Variants in SLC22A24 observed in about 807,000 individuals in gnomAD.
SLC22A24 encodes steroid transmembrane transporter SLC22A24.
A neutral mutation model predicts 49.8 loss-of-function variants in SLC22A24; 53 were observed. The observed-to-expected ratio is 1.06, with a 90% CI of 0.85 to 1.34. The LOEUF is 1.34. SLC22A24 is among the 40% of genes most tolerant of loss of function. SLC22A24 has a pLI of 0.00. For synonymous variants in SLC22A24, 302 were observed against 256.4 expected (o/e 1.18, Z -1.70); for missense variants, 786 against 675.9 (o/e 1.16, Z -1.81).
rs1477521127 is a variant in SLC22A24 at position 63,143,738 on chromosome 11, C to G, written c.42G>C (p.Gly14=). 6.7e-7 allele frequency: 1 copy of G among 1,482,070 alleles called. No individual in the cohort carries two copies. Among genetic ancestry groups the G allele is most frequent in the Admixed American group, 2.4e-5 (1 of 42,294 alleles). 91.8% of individuals were successfully genotyped at this position (1,482,070 alleles called of 1,614,324 possible). Residue 14 remains glycine, a synonymous_variant, in exon 1 of 10, where the codon GGG becomes GGC. Coordinates refer to ENST00000612278, the MANE Select transcript of SLC22A24 (RefSeq NM_001136506.2). ...AAGCTATCAGACAAATCTGGAATCTCCCCATGCCACCCACTTGATCCAGGA... is the reference window on the plus strand; with the variant it reads ...AAGCTATCAGACAAATCTGGAATCTGCCCATGCCACCCACTTGATCCAGGA... ...DVLLDQVGGM[G]RFQICLIAFF...
rs1565325977 is a variant in SLC22A24, at chr11:63,096,082, CCTT to C, written c.976_978del (p.Lys326del). On this transcript the variant is annotated inframe_deletion, in exon 6 of 10. Transcript: ENST00000612278. The stretch of plus-strand genomic sequence containing the variant: ...GTTTTAATTCGGACTGCATCCAACT[CCTT>C]CTTCATGGTGGATCTCACAAGCTTC... 6 of 1,550,420 alleles carry C rather than the reference CCTT, an allele frequency of 3.9e-6. No homozygotes were observed. Among genetic ancestry groups the C allele is most frequent in the Admixed American group, 2.0e-5 (1 of 50,950 alleles).
chr11:63,092,563 G>A (rs2087027504), intron 6 of SLC22A24, among the ~76,000 whole-genome samples: 1 of 43,156 alleles, frequency 2.3e-5, no homozygotes, highest in Non-Finnish European at 6.1e-5. Context: ...TCTGATCTTT[G>A]ACGAACCTGA....
chr11:63,133,727 T>C (rs2087353517), intron 2 of SLC22A24, among the ~76,000 whole-genome samples: 1 of 152,170 alleles, frequency 6.6e-6, no homozygotes, highest in African/African-American at 2.4e-5. Flanking sequence ...CTGCAACCTC[T>C]GCCTTCTGGG....
chr11:63,128,184 G>A (rs1449720690), intron 2 of SLC22A24, among the ~76,000 whole-genome samples: 1 of 151,914 alleles, frequency 6.6e-6, no homozygotes, highest in East Asian at 1.9e-4. Context: ...TAACTTAGGA[G>A]AAACCAGGCC....
At chr11:63,130,690 G>A (rs2087327860) in intron 2 of SLC22A24, among the ~76,000 whole-genome samples, 1 of 151,950 alleles carries the variant, frequency 6.6e-6, no homozygotes, top group Non-Finnish European at 1.5e-5. Flanking sequence ...ACTTCTTCCT[G>A]GTTTAGTCTT....
At chr11:63,100,683 A>G (rs926195804) in intron 5 of SLC22A24, among the ~76,000 whole-genome samples, 1 of 152,130 alleles carries the variant, frequency 6.6e-6, no homozygotes, top group African/African-American at 2.4e-5. Flanking sequence ...AACTACCAAA[A>G]CAGCATGGTA....
intron 5 of SLC22A24, among the ~76,000 whole-genome samples, chr11:63,100,820 T>A (rs1565327274): frequency 6.6e-6 from 1 of 152,138 alleles, no homozygotes; most frequent in South Asian, 2.1e-4. Context: ...ATTTCTTCAA[T>A]AAATGGTGCT....
At chr11:63,093,534 C>T (rs925879505) in intron 6 of SLC22A24, among the ~76,000 whole-genome samples, 1 of 152,068 alleles carries the variant, frequency 6.6e-6, no homozygotes, top group Non-Finnish European at 1.5e-5. Flanking sequence ...GGAATGATGT[C>T]CTTTGCAGGA....
chr11:63,118,936 A>G lies in SLC22A24; in HGVS notation c.806T>C (p.Ile269Thr). Residue 269 changes from isoleucine (I) to threonine (T), a missense_variant, in exon 4 of 10, where the codon ATA (isoleucine) becomes ACA (threonine). Transcript: ENST00000612278. ...CCAAGAGGACAAGAAGAGGACAATT[A>G]TGGGTGTAGACACAGTCAGTTGCAA... The part of the protein sequence containing the change: ...HILQLTVSTP[I>T]IVLFLSSWKM... The G allele has an allele frequency of 6.4e-7, 1 of 1,552,116 alleles. No homozygotes were observed. The highest frequency in any genetic ancestry group is 8.7e-7 in the Non-Finnish European group (1 of 1,147,052).
At chr11:63,096,130 A>G (rs1245558320) in intron 5 of SLC22A24, 24 bp from the exon 6 acceptor site, 1 of 1,415,604 alleles carries the variant, frequency 7.1e-7, no homozygotes, top group Non-Finnish European at 9.8e-7. Context: ...AATAACAACA[A>G]GCATTTGTGA....
chr11:63,118,691 AT>A, intron 4 of SLC22A24: 1 of 536,728 alleles, frequency 1.9e-6, no homozygotes, highest in Non-Finnish European at 3.3e-6. Flanking sequence ...AAATAATTTC[AT>A]GATAATTCCA....
chr11:63,097,117 A>G (rs867936497), intron 5 of SLC22A24, among the ~76,000 whole-genome samples: 2 of 152,180 alleles, frequency 1.3e-5, no homozygotes, highest in South Asian at 2.1e-4. Flanking sequence ...AGAAACTATC[A>G]TCATAGTGAG....
chr11:63,115,995 C>A (rs1026434947), intron 4 of SLC22A24: 5 of 327,710 alleles, frequency 1.5e-5, no homozygotes, highest in South Asian at 1.5e-4. Context: ...CTGCCCGAGC[C>A]CCTTGACAAC....
chr11:63,123,502 C>A (rs1183980586), intron 2 of SLC22A24, among the ~76,000 whole-genome samples: 2 of 152,114 alleles, frequency 1.3e-5, no homozygotes, highest in Non-Finnish European at 2.9e-5. Context: ...TCTTCTGTGA[C>A]CTGAATATCC....
chr11:63,137,836 G>T (rs537185922), intron 1 of SLC22A24: 145 of 152,326 alleles, frequency 9.5e-4, no homozygotes, highest in African/African-American at 3.2e-3. Flanking sequence ...TCTGGAAGCT[G>T]CAGAGAAAGG....
chr11:63,092,174 GC>G (rs2087024287), intron 6 of SLC22A24, among the ~76,000 whole-genome samples: 1 of 151,708 alleles, frequency 6.6e-6, no homozygotes, highest in Admixed American at 6.6e-5. Flanking sequence ...GGAATAAAAT[GC>G]CTAGGAATAC....
chr11:63,119,213 G>T lies in SLC22A24; in HGVS notation c.629C>A (p.Thr210Asn), dbSNP rs911641800. The T allele has an allele frequency of 2.6e-6, 4 of 1,549,622 alleles. No individual in the cohort carries two copies. In the African/African-American group the frequency reaches 4.1e-5, roughly 16 times the overall value. ...CILRFLAGFS[T>N]MTILGNTFIL... The stretch of plus-strand genomic sequence containing the variant: ...AAAAGTGTTTCCCAAAATAGTCATG[G>T]TGGAGAACCCTGCCAAGAAGCGCAG... Residue 210 changes from threonine to asparagine, a missense_variant, in exon 3 of 10, where the codon ACC becomes AAC. Coordinates refer to ENST00000612278, the MANE Select transcript of SLC22A24 (RefSeq NM_001136506.2).
At chr11:63,084,154 C>T (rs1239500930) in intron 6 of SLC22A24, among the ~76,000 whole-genome samples, 2 of 152,168 alleles carry the variant, frequency 1.3e-5, no homozygotes, top group Admixed American at 1.3e-4. Context: ...CTTTACCTTA[C>T]CTTAGTGAGG....
chr11:63,135,791 C>G (rs529188898), intron 1 of SLC22A24, among the ~76,000 whole-genome samples: 2 of 152,304 alleles, frequency 1.3e-5, no homozygotes, highest in Non-Finnish European at 2.9e-5. Flanking sequence ...GCAACATCAA[C>G]AATGCATTTG....
Sources: gnomAD v4.1 joint callset for allele counts (sites outside exome capture counted in the v4.1 genomes callset) on GRCh38, gnomAD v4.1.1 for gene constraint, MANE v1.5 for transcripts, NCBI Gene and HGNC (gene_info 2026-07-23, HGNC 2026-07-21) for gene names.